The following LYZL4 variants were observed in gnomAD, a reference collection of about 807,000 sequenced individuals.
LYZL4 encodes the protein lysozyme like 4.
In LYZL4, 13 loss-of-function variants were observed where a neutral mutation model predicts 17.6. The observed-to-expected ratio is 0.74, with a 90% CI of 0.48 to 1.18. The LOEUF is 1.18. LYZL4 is among the 50% of genes most tolerant of loss of function. LYZL4 has a pLI of 0.00. For synonymous variants in LYZL4, 64 were observed against 67.7 expected (o/e 0.95, Z 0.27); for missense variants, 174 against 188.2 (o/e 0.92, Z 0.44).
At chr3:42,379,873 G>A in the LYZL4 span, among the ~76,000 whole-genome samples, 1 of 152,152 alleles carries the variant, frequency 6.6e-6, no homozygotes, top group Non-Finnish European at 1.5e-5. Flanking sequence ...AGCTCATGGG[G>A]GTAGGACCCT....
the LYZL4 span, among the ~76,000 whole-genome samples, chr3:42,383,691 G>A: frequency 1.5e-4 from 23 of 151,966 alleles, no homozygotes; most frequent in Middle Eastern, 3.4e-3. Context: ...AACAACATAG[G>A]ATGCTAATAA....
At chr3:42,374,116 C>T in the LYZL4 span, among the ~76,000 whole-genome samples, 7 of 152,094 alleles carry the variant, frequency 4.6e-5, no homozygotes, top group Non-Finnish European at 1.0e-4. Context: ...CTCAGTATTG[C>T]TATTTTAGCA....
intron 4 of LYZL4, among the ~76,000 whole-genome samples, chr3:42,403,790 A>T (rs1400398065): frequency 6.6e-6 from 1 of 152,226 alleles, no homozygotes; most frequent in Non-Finnish European, 1.5e-5. Flanking sequence ...TAGTTTGAAG[A>T]TGTTCATCCT....
the LYZL4 span, among the ~76,000 whole-genome samples, chr3:42,387,800 C>G: frequency 1.3e-5 from 2 of 152,202 alleles, no homozygotes; most frequent in Non-Finnish European, 2.9e-5. Flanking sequence ...GTCCTCCTGT[C>G]TCCAGCCAGG....
rs756921746 is a variant in LYZL4 at position 42,397,245 on chromosome 3, T to A, written c.*20A>T. ...TTCACAAGATGCAACTGGTGAGTGC[T>A]GCAGGGGCCATGCAGGTGGCTACAG... On this transcript the variant is annotated 3_prime_UTR_variant, in exon 5 of 5. Transcript: ENST00000287748. 8 of 1,540,250 alleles carry A rather than the reference T, an allele frequency of 5.2e-6. No individual in the cohort carries two copies. The highest frequency in any genetic ancestry group is 7.0e-6 in the Non-Finnish European group (8 of 1,135,332).
chr3:42,363,291 G>A, the LYZL4 span, among the ~76,000 whole-genome samples: 5 of 152,146 alleles, frequency 3.3e-5, no homozygotes, highest in East Asian at 1.9e-4. Flanking sequence ...TTAAATTTGG[G>A]TCTAATGTTG....
At chr3:42,362,521 T>C in the LYZL4 span, among the ~76,000 whole-genome samples, 5 of 152,202 alleles carry the variant, frequency 3.3e-5, no homozygotes, top group African/African-American at 1.2e-4. Flanking sequence ...ACTAGCTGAT[T>C]TGGGGTCTCA....
At chr3:42,367,215 C>A in the LYZL4 span, among the ~76,000 whole-genome samples, 9 of 152,330 alleles carry the variant, frequency 5.9e-5, no homozygotes, top group South Asian at 1.9e-3. Context: ...CCCACTGACC[C>A]CCTACCAGGA....
At chr3:42,364,341 C>CTA in the LYZL4 span, among the ~76,000 whole-genome samples, 1 of 119,892 alleles carries the variant, frequency 8.3e-6, no homozygotes, top group African/African-American at 3.3e-5. Context: ...TTTTTCTTTT[C>CTA]TTTTTTTTTT....
intron 3 of LYZL4, among the ~76,000 whole-genome samples, chr3:42,405,172 C>T (rs961561453): frequency 6.6e-6 from 1 of 152,104 alleles, no homozygotes; most frequent in Non-Finnish European, 1.5e-5. Context: ...CCTCAGCCTC[C>T]CGAGTAGCTG....
the LYZL4 span, among the ~76,000 whole-genome samples, chr3:42,364,653 T>G: frequency 6.6e-6 from 1 of 151,998 alleles, no homozygotes. Context: ...CTCTTTTTCT[T>G]TTTTGAGAGA....
chr3:42,407,058 A>T, intron 2 of LYZL4, 55 bp downstream of exon 2: 1 of 1,613,816 alleles, frequency 6.2e-7, no homozygotes, highest in South Asian at 1.1e-5. Flanking sequence ...ATGCTTGGCC[A>T]GAGAAGGGAG....
chr3:42,373,888 A>G, the LYZL4 span, among the ~76,000 whole-genome samples: 22 of 152,284 alleles, frequency 1.4e-4, no homozygotes, highest in African/African-American at 5.1e-4. Flanking sequence ...ATAAAAATAC[A>G]TGTATATATT....
intron 3 of LYZL4, among the ~76,000 whole-genome samples, chr3:42,405,751 C>T (rs1029995030): frequency 5.3e-5 from 8 of 152,140 alleles, no homozygotes; most frequent in South Asian, 2.1e-4. Flanking sequence ...AGCCGCACTG[C>T]TTAGGTTTCC....
the LYZL4 span, among the ~76,000 whole-genome samples, chr3:42,383,969 A>G: frequency 1.3e-5 from 2 of 152,216 alleles, no homozygotes; most frequent in East Asian, 3.8e-4. Context: ...TTCCAAGATG[A>G]TTCTCTAGAA....
chr3:42,396,733 T>C (rs1156428141), downstream of LYZL4, among the ~76,000 whole-genome samples: 2 of 152,272 alleles, frequency 1.3e-5, no homozygotes, highest in Admixed American at 1.3e-4. Context: ...TATTTATAAC[T>C]TTCAGAGACT....
At chr3:42,382,166 A>G in the LYZL4 span, among the ~76,000 whole-genome samples, 43 of 152,344 alleles carry the variant, frequency 2.8e-4, no homozygotes, top group Middle Eastern at 6.8e-3. Flanking sequence ...TAATAACTAC[A>G]ACTGATATTT....
chr3:42,363,045 TAGA>T, the LYZL4 span, among the ~76,000 whole-genome samples: 3 of 151,892 alleles, frequency 2.0e-5, no homozygotes, highest in Non-Finnish European at 2.9e-5. Flanking sequence ...CCCAGGGAGG[TAGA>T]AGAACAAGTC....
chr3:42,390,489 G>A, the LYZL4 span, among the ~76,000 whole-genome samples: 2 of 151,848 alleles, frequency 1.3e-5, no homozygotes, highest in South Asian at 2.1e-4. Flanking sequence ...GGACTAACTG[G>A]ACACTTTGTG....
Sources: allele counts gnomAD v4.1 joint callset (sites outside exome capture counted in the v4.1 genomes callset), GRCh38; gene constraint gnomAD v4.1.1; transcripts MANE v1.5; gene names NCBI Gene and HGNC (gene_info 2026-07-23, HGNC 2026-07-21).